Variants in CCSER1 observed in about 807,000 individuals in gnomAD.
CCSER1 encodes serine-rich coiled-coil domain-containing protein 1.
Under a neutral mutation model 82.0 loss-of-function variants are expected in CCSER1, and 41 were observed. The observed-to-expected ratio is 0.50, with a 90% CI of 0.39 to 0.65. CCSER1 has a LOEUF of 0.65. Among genes scored for constraint, CCSER1 ranks in the 30% least tolerant of loss-of-function variants. CCSER1 has a pLI of 0.00. For missense variants in CCSER1, 1,119 were observed against 1,064.2 expected, an observed-to-expected ratio of 1.05 and a Z score of -0.72; for synonymous variants, 414 against 383.9, an observed-to-expected ratio of 1.08 and a Z score of -0.92.
intron 5 of CCSER1, among the ~76,000 whole-genome samples, chr4:90,487,313 GT>G (rs1489058060): frequency 9.2e-5 from 14 of 152,264 alleles, no homozygotes; most frequent in African/African-American, 3.4e-4. Flanking sequence ...CTTAACTTTT[GT>G]TTTTAGTTGT....
chr4:90,625,319 A>G (rs1456009111), intron 5 of CCSER1, among the ~76,000 whole-genome samples: 1 of 152,196 alleles, frequency 6.6e-6, no homozygotes, highest in Admixed American at 6.5e-5. Context: ...TTTCTGCCCA[A>G]TAATGGCTAT....
intron 4 of CCSER1, among the ~76,000 whole-genome samples, chr4:90,445,055 G>T (rs1454223579): frequency 6.6e-6 from 1 of 151,932 alleles, no homozygotes; most frequent in Admixed American, 6.6e-5. Context: ...AACAGTTACA[G>T]ATTAGTCATT....
At position 90,723,944 on chromosome 4, in the gene CCSER1, A is replaced by T. The variant is rs1489330194; in HGVS notation, c.1963A>T (p.Thr655Ser). ...SADMSPASST[T>S]SLPVSPLTEE... ...AGACATGAGTCCAGCAAGCAGTACCACGTCACTTCCTGTTAGTCCTCTTAC... is the reference window on the plus strand; with the variant it reads ...AGACATGAGTCCAGCAAGCAGTACCTCGTCACTTCCTGTTAGTCCTCTTAC... Residue 655 changes from threonine to serine, a missense_variant, in exon 7 of 11, where the codon ACG becomes TCG. Thr to Ser is a moderately conservative substitution (Grantham distance 58). Transcript: ENST00000509176. The T allele has an allele frequency of 1.4e-5, 22 of 1,584,464 alleles. No homozygotes were observed. The highest frequency in any genetic ancestry group is 1.9e-5 in the Non-Finnish European group (22 of 1,163,780).
chr4:91,206,517 A>G (rs558054311), intron 10 of CCSER1, among the ~76,000 whole-genome samples: 1 of 151,978 alleles, frequency 6.6e-6, no homozygotes, highest in Non-Finnish European at 1.5e-5. Flanking sequence ...TTCAAAAAAT[A>G]TGTATTGAAT....
chr4:90,238,270 T>C (rs1746173357), intron 1 of CCSER1, among the ~76,000 whole-genome samples: 1 of 152,124 alleles, frequency 6.6e-6, no homozygotes, highest in Admixed American at 6.5e-5. Flanking sequence ...ACTCCAGGAA[T>C]GGTATTTTAG....
intron 9 of CCSER1, among the ~76,000 whole-genome samples, chr4:91,007,726 C>T (rs1738646021): frequency 6.9e-6 from 1 of 145,222 alleles, no homozygotes; most frequent in African/African-American, 2.5e-5. Flanking sequence ...TTTTTGTCAT[C>T]TTTATTTCTT....
intron 10 of CCSER1, among the ~76,000 whole-genome samples, chr4:91,495,533 G>A (rs1448314574): frequency 6.6e-6 from 1 of 151,106 alleles, no homozygotes; most frequent in Non-Finnish European, 1.5e-5. Flanking sequence ...TAAAAAAAAA[G>A]CAATATGATA....
At chr4:90,374,437 C>T (rs949646981) in intron 3 of CCSER1, among the ~76,000 whole-genome samples, 1 of 152,122 alleles carries the variant, frequency 6.6e-6, no homozygotes, top group African/African-American at 2.4e-5. Context: ...ACAATCAATT[C>T]AACTGATGGG....
intron 8 of CCSER1, among the ~76,000 whole-genome samples, chr4:90,849,392 G>A (rs545700851): frequency 8.5e-5 from 13 of 152,284 alleles, no homozygotes; most frequent in African/African-American, 3.1e-4. Context: ...ACTTGAGAGA[G>A]ATGACTTAGG....
At chr4:90,697,286 A>C (rs542388346) in intron 6 of CCSER1, among the ~76,000 whole-genome samples, 5 of 152,190 alleles carry the variant, frequency 3.3e-5, no homozygotes, top group Non-Finnish European at 5.9e-5. Flanking sequence ...ATTATACATC[A>C]AAAGTTTCAG....
intron 8 of CCSER1, among the ~76,000 whole-genome samples, chr4:90,874,678 A>T (rs1465442454): frequency 6.6e-6 from 1 of 152,170 alleles, no homozygotes. Flanking sequence ...ATTTTCTTTA[A>T]AGGAAATACT....
At chr4:91,113,699 T>G (rs1229990487) in intron 10 of CCSER1, among the ~76,000 whole-genome samples, 1 of 152,200 alleles carries the variant, frequency 6.6e-6, no homozygotes, top group Non-Finnish European at 1.5e-5. Flanking sequence ...TAAGAGTCAG[T>G]GACTTTGTTT....
At chr4:91,229,578 A>G (rs1738462711) in intron 10 of CCSER1, among the ~76,000 whole-genome samples, 1 of 152,136 alleles carries the variant, frequency 6.6e-6, no homozygotes, top group African/African-American at 2.4e-5. Context: ...AAGACTCAGA[A>G]CCAACCCAAA....
At chr4:91,238,321 G>A (rs1337968183) in intron 10 of CCSER1, among the ~76,000 whole-genome samples, 1 of 152,004 alleles carries the variant, frequency 6.6e-6, no homozygotes, top group Admixed American at 6.6e-5. Context: ...GCAGTTCTGG[G>A]ACAATAGATA....
At chr4:91,392,375 A>G (rs986403304) in intron 10 of CCSER1, among the ~76,000 whole-genome samples, 1 of 151,942 alleles carries the variant, frequency 6.6e-6, no homozygotes, top group African/African-American at 2.4e-5. Flanking sequence ...ACACACACAC[A>G]CACACACACA....
chr4:90,972,840 G>A (rs541861161), intron 9 of CCSER1, among the ~76,000 whole-genome samples: 6 of 151,720 alleles, frequency 4.0e-5, no homozygotes, highest in Non-Finnish European at 7.4e-5. Flanking sequence ...AATAGAGAGT[G>A]CAGAGGTAAT....
At chr4:90,822,447 G>A (rs1389107676) in intron 8 of CCSER1, among the ~76,000 whole-genome samples, 1 of 152,026 alleles carries the variant, frequency 6.6e-6, no homozygotes, top group Non-Finnish European at 1.5e-5. Context: ...TATGTGTTTT[G>A]GCTGGGCCTG....
chr4:91,303,753 C>T (rs1228697790), intron 10 of CCSER1, among the ~76,000 whole-genome samples: 2 of 151,994 alleles, frequency 1.3e-5, no homozygotes, highest in Non-Finnish European at 2.9e-5. Flanking sequence ...TGTGATCCTG[C>T]CACTGCGCTC....
Position 90,434,086 on chromosome 4 carries a change from C to G in CCSER1, c.1603+33957C>G, listed in dbSNP as rs1038768354. Among the ~76,000 whole-genome samples, 4 of 151,818 alleles carry G rather than the reference C, an allele frequency of 2.6e-5. No homozygotes were observed. In the East Asian group the frequency reaches 7.7e-4, roughly 29 times the overall value. On this transcript the variant is annotated intron_variant, in intron 4 of 10. Coordinates refer to ENST00000509176, the MANE Select transcript of CCSER1 (RefSeq NM_001145065.2). ...TTGAAGGTTTTTTGTTTCTCTTTGTCAGTTTTCTCTTTTGAATTTTATTTG... is the reference window on the plus strand; with the variant it reads ...TTGAAGGTTTTTTGTTTCTCTTTGTGAGTTTTCTCTTTTGAATTTTATTTG...
Sources: allele counts gnomAD v4.1 joint callset (sites outside exome capture counted in the v4.1 genomes callset), GRCh38; gene constraint gnomAD v4.1.1; transcripts MANE v1.5; gene names NCBI Gene and HGNC (gene_info 2026-07-23, HGNC 2026-07-21).